The following TSPAN18 variants were observed in gnomAD, a reference collection of about 807,000 sequenced individuals.
TSPAN18 encodes tetraspanin-18.
A neutral mutation model predicts 27.3 loss-of-function variants in TSPAN18; 14 were observed. That is an observed-to-expected ratio of 0.51 (90% confidence interval 0.34 to 0.80). TSPAN18 has a LOEUF of 0.80. TSPAN18 is among the 30% of genes least tolerant of loss of function. The probability of loss-of-function intolerance (pLI) is 0.01; values close to 1 mark genes in which losing one functional copy is unlikely to be tolerated. For missense variants in TSPAN18, 268 were observed against 323.9 expected (o/e 0.83, Z 1.32); for synonymous variants, 143 against 136.5 (o/e 1.05, Z -0.33).
At chr11:44,927,767 C>T (rs541031471) in intron 9 of TSPAN18, among the ~76,000 whole-genome samples, 1 of 152,246 alleles carries the variant, frequency 6.6e-6, no homozygotes, top group African/African-American at 2.4e-5. Flanking sequence ...TAGCATGGGC[C>T]CTAGAGTCCG....
chr11:44,789,995 T>C (rs1395379156), intron 2 of TSPAN18, among the ~76,000 whole-genome samples: 1 of 152,162 alleles, frequency 6.6e-6, no homozygotes, highest in East Asian at 1.9e-4. Flanking sequence ...GTCCACAGGA[T>C]AGCTGGGTCT....
intron 4 of TSPAN18, among the ~76,000 whole-genome samples, chr11:44,907,732 T>A (rs1859504775): frequency 6.6e-6 from 1 of 151,932 alleles, no homozygotes; most frequent in African/African-American, 2.4e-5. Context: ...GAGGCACAGA[T>A]TTTCCTGGAG....
Position 44,918,045 on chromosome 11 carries a change from A to G in TSPAN18, c.332A>G (p.Asn111Ser). 6.2e-7 allele frequency: 1 copy of G among 1,613,918 alleles called. No individual in the cohort carries two copies. Among genetic ancestry groups the G allele is most frequent in the South Asian group, 1.1e-5 (1 of 91,084 alleles). ...AAILAFIFRENLTREFFTKEL... is the reference protein window; with the variant it reads ...AAILAFIFRESLTREFFTKEL... ...ATCCTGGCCTTCATCTTCAGGGAAA[A>G]TGTACGTATCAGGCCCCAAGCTTTC... Residue 111 changes from asparagine to serine, a missense_variant and splice_region_variant, in exon 6 of 10, where the codon AAT becomes AGT. Asn to Ser is a conservative substitution (Grantham distance 46, BLOSUM62 1). Transcript: ENST00000520358.
At position 44,890,939 on chromosome 11, in the gene TSPAN18, A is replaced by C. The variant is rs148899871; in HGVS notation, c.-10-15468A>C. On this transcript the variant is annotated intron_variant, in intron 3 of 9. Coordinates refer to ENST00000520358, the MANE Select transcript of TSPAN18 (RefSeq NM_130783.5). Reference sequence around the variant, plus strand: ...GTAATCCCAGCACTTTGGGAGACCAAGGCAGGAGATTGCTTGAGCCCCAGA... The same window carrying C: ...GTAATCCCAGCACTTTGGGAGACCACGGCAGGAGATTGCTTGAGCCCCAGA... Among the ~76,000 whole-genome samples, 162 of 152,272 alleles carry C rather than the reference A, an allele frequency of 1.1e-3. 1 individual carries two copies. Among genetic ancestry groups the C allele is most frequent in the African/African-American group, 3.6e-3 (148 of 41,546 alleles).
intron 2 of TSPAN18, among the ~76,000 whole-genome samples, chr11:44,840,165 A>G (rs1179153147): frequency 6.6e-6 from 1 of 152,192 alleles, no homozygotes; most frequent in East Asian, 1.9e-4. Flanking sequence ...CAGTTTGTGA[A>G]TCTATGAAAA....
chr11:44,786,123 C>T (rs1047470889), intron 2 of TSPAN18, among the ~76,000 whole-genome samples: 7 of 152,216 alleles, frequency 4.6e-5, no homozygotes, highest in South Asian at 2.1e-4. Context: ...CACAGGGCCC[C>T]GTGGTGTTTG....
At chr11:44,738,665 T>A (rs542334851) in intron 1 of TSPAN18, among the ~76,000 whole-genome samples, 27 of 152,336 alleles carry the variant, frequency 1.8e-4, no homozygotes, top group African/African-American at 6.5e-4. Flanking sequence ...GTCTCCCATG[T>A]GTCCAGAGCT....
chr11:44,928,776 ACT>A (rs1860460862), intron 9 of TSPAN18, among the ~76,000 whole-genome samples: 1 of 149,028 alleles, frequency 6.7e-6, no homozygotes, highest in African/African-American at 2.4e-5. Flanking sequence ...ACAGAGTGAG[ACT>A]CTGTCTCAAA....
intron 2 of TSPAN18, among the ~76,000 whole-genome samples, chr11:44,783,826 A>G (rs180907454): frequency 1.0e-3 from 155 of 152,264 alleles, no homozygotes; most frequent in African/African-American, 3.6e-3. Context: ...CAGTCCCTCA[A>G]GGCTCTAAAC....
intron 2 of TSPAN18, among the ~76,000 whole-genome samples, chr11:44,854,928 T>C (rs1857696828): frequency 6.6e-6 from 1 of 152,252 alleles, no homozygotes; most frequent in Non-Finnish European, 1.5e-5. Flanking sequence ...ATACATATGA[T>C]ACTTAGTGAG....
At chr11:44,916,729 G>C (rs1398236276) in intron 5 of TSPAN18, among the ~76,000 whole-genome samples, 5 of 152,232 alleles carry the variant, frequency 3.3e-5, no homozygotes, top group Admixed American at 2.0e-4. Context: ...TGGCACATCG[G>C]GGGCAGGCAG....
rs74911176 is a variant in TSPAN18 at position 44,860,743 on chromosome 11, A to G, written c.-11+274A>G. 3.7e-3 allele frequency among the ~76,000 whole-genome samples: 562 copies of G among 152,328 alleles called. 4 individuals are homozygous for G. Among genetic ancestry groups the G allele is most frequent in the African/African-American group, 0.013 (521 of 41,578 alleles). On this transcript the variant is annotated intron_variant, in intron 3 of 9. Transcript: ENST00000520358. ...AGCTGAGAAGGCTGAGGTGCAGGCT[A>G]GCCCACCAGGTTGCTGGCCCATGCC...
At chr11:44,911,960 C>T (rs1859737510) in intron 5 of TSPAN18, among the ~76,000 whole-genome samples, 2 of 137,204 alleles carry the variant, frequency 1.5e-5, no homozygotes, top group African/African-American at 5.4e-5. Context: ...CTCCCTTTGT[C>T]CCCCTTCTTT....
chr11:44,920,232 G>A (rs1050508368), intron 8 of TSPAN18, among the ~76,000 whole-genome samples: 8 of 152,184 alleles, frequency 5.3e-5, no homozygotes, highest in African/African-American at 1.7e-4. Context: ...ATGGTCTGCC[G>A]CTGGAGTGGG....
chr11:44,770,371 A>G (rs926724239), intron 2 of TSPAN18, among the ~76,000 whole-genome samples: 1 of 152,166 alleles, frequency 6.6e-6, no homozygotes, highest in Admixed American at 6.5e-5. Context: ...CCTAAAGGCA[A>G]TGAGGAACAA....
intron 9 of TSPAN18, 133 bp from the exon 10 acceptor site, chr11:44,928,998 A>ATT (rs1860470073): frequency 8.9e-7 from 1 of 1,120,266 alleles, no homozygotes; most frequent in South Asian, 1.3e-5. Flanking sequence ...CCCCAGGGGA[A>ATT]TGTCAGGAAT....
chr11:44,926,583 C>T, intron 8 of TSPAN18, 91 bp from the exon 9 acceptor site: 2 of 1,169,992 alleles, frequency 1.7e-6, no homozygotes, highest in Non-Finnish European at 2.6e-6. Context: ...GCTCTGGGGA[C>T]ACCTGCCATG....
chr11:44,795,359 C>G (rs1037708914), intron 2 of TSPAN18, among the ~76,000 whole-genome samples: 2 of 152,148 alleles, frequency 1.3e-5, no homozygotes, highest in Non-Finnish European at 2.9e-5. Flanking sequence ...TGGAGCTTCC[C>G]TGCCTGGGTT....
At chr11:44,785,931 T>A (rs1856046664) in intron 2 of TSPAN18, among the ~76,000 whole-genome samples, 1 of 152,206 alleles carries the variant, frequency 6.6e-6, no homozygotes, top group Non-Finnish European at 1.5e-5. Flanking sequence ...CCAGGGCAAG[T>A]CACTTAACTC....
Sources: gnomAD v4.1 joint callset for allele counts (sites outside exome capture counted in the v4.1 genomes callset) on GRCh38, gnomAD v4.1.1 for gene constraint, MANE v1.5 for transcripts, NCBI Gene and HGNC (gene_info 2026-07-23, HGNC 2026-07-21) for gene names.